Variants in IQCH observed in about 807,000 individuals in gnomAD.
IQCH encodes the protein IQ motif containing H.
In IQCH, 98 loss-of-function variants were observed where a neutral mutation model predicts 117.0. That is an observed-to-expected ratio of 0.84 (90% CI 0.71 to 0.99). The LOEUF is 0.99. IQCH is among the 50% of genes least tolerant of loss of function. The pLI is 0.00. For synonymous variants in IQCH, 412 were observed against 448.2 expected (o/e 0.92, Z 1.02); for missense variants, 1,102 against 1,243.8 (o/e 0.89, Z 1.72).
Position 67,388,748 on chromosome 15 carries a change from C to A in IQCH, c.1457-83C>A. On this transcript the variant is annotated intron_variant, in intron 11 of 20. Coordinates refer to ENST00000335894, the MANE Select transcript of IQCH (RefSeq NM_001031715.3). This position sits in a 1 kb window ranked among gnomAD's most constrained non-coding sequence, Gnocchi z 5.5. ...TTTTGGATATGCTCTTTATTTTAAA[C>A]TGCACAACACCAATCGGATGCCAGA... 2 of 1,199,758 alleles carry A rather than the reference C, an allele frequency of 1.7e-6. No homozygotes were observed. Among genetic ancestry groups the A allele is most frequent in the South Asian group, 1.5e-5 (1 of 68,146 alleles). The allele number at this position is 1,199,758 out of a possible 1,614,324, so 74.3% of individuals were successfully genotyped here. A position where few individuals can be genotyped will look rare whatever the true frequency, so the allele number is the denominator to read the frequency against.
At chr15:67,469,777 CTGT>C (rs2083023412) in intron 17 of IQCH, among the ~76,000 whole-genome samples, 4 of 152,168 alleles carry the variant, frequency 2.6e-5, no homozygotes, top group Admixed American at 2.0e-4. Context: ...TAGGCAGGTG[CTGT>C]TATTATGCCC....
intron 4 of IQCH, among the ~76,000 whole-genome samples, chr15:67,321,943 A>G (rs946724983): frequency 6.6e-6 from 1 of 152,190 alleles, no homozygotes; most frequent in Non-Finnish European, 1.5e-5. Flanking sequence ...ATATCCTACA[A>G]TTGTTGGTTT....
At chr15:67,448,478 G>A (rs1318322269) in intron 16 of IQCH, among the ~76,000 whole-genome samples, 1 of 148,016 alleles carries the variant, frequency 6.8e-6, no homozygotes, top group Admixed American at 7.0e-5. Context: ...TGCAGTGTTT[G>A]GTTTTTTGTC....
At chr15:67,451,141 T>G (rs2082514790) in intron 16 of IQCH, among the ~76,000 whole-genome samples, 2 of 152,242 alleles carry the variant, frequency 1.3e-5, no homozygotes, top group African/African-American at 4.8e-5. Flanking sequence ...TTGCTAGCAG[T>G]CTATCAATTT....
At chr15:67,310,083 C>T (rs1450634107) in intron 4 of IQCH, among the ~76,000 whole-genome samples, 1 of 149,582 alleles carries the variant, frequency 6.7e-6, no homozygotes, top group East Asian at 2.0e-4. Flanking sequence ...CTTTTACATC[C>T]TAGTGTAAGT....
intron 16 of IQCH, among the ~76,000 whole-genome samples, chr15:67,464,706 C>T (rs1196661033): frequency 6.6e-6 from 1 of 152,128 alleles, no homozygotes; most frequent in Non-Finnish European, 1.5e-5. Context: ...GGCAAACTGC[C>T]CTTTCTCATA....
In IQCH at chr15:67,460,159, A is replaced by G. The variant is rs191233565; in HGVS notation, c.2506-4968A>G. Reference sequence around the variant, plus strand: ...TGAGATACTTTGCATTCTTTTTTACATCCTCAGTCCTCAAAATCTGGTGTG... The same window carrying G: ...TGAGATACTTTGCATTCTTTTTTACGTCCTCAGTCCTCAAAATCTGGTGTG... On this transcript the variant is annotated intron_variant, in intron 16 of 20. Coordinates refer to ENST00000335894, the MANE Select transcript of IQCH (RefSeq NM_001031715.3). Among the ~76,000 whole-genome samples the G allele has an allele frequency of 3.3e-5, 5 of 152,278 alleles. No individual in the cohort carries two copies. The East Asian group carries it at 9.6e-4, about 29-fold the overall frequency.
intron 18 of IQCH, among the ~76,000 whole-genome samples, chr15:67,478,616 G>C (rs2083264852): frequency 6.6e-6 from 1 of 151,828 alleles, no homozygotes; most frequent in Non-Finnish European, 1.5e-5. Flanking sequence ...GAGGAGGAGG[G>C]GATAATCAGA....
intron 4 of IQCH, among the ~76,000 whole-genome samples, chr15:67,331,083 C>T (rs1033149663): frequency 3.8e-4 from 58 of 152,234 alleles, no homozygotes; most frequent in Admixed American, 9.2e-4. Context: ...GACAGAGCTA[C>T]CCAAGTATGC....
At position 67,404,147 on chromosome 15, in the gene IQCH, C is replaced by T. The variant is rs1173322518; in HGVS notation, c.2097+3842C>T. On this transcript the variant is annotated intron_variant, in intron 14 of 20. Transcript: ENST00000335894. The surrounding 1 kb of genome is among the most constrained non-coding windows in gnomAD (Gnocchi z 4.6). ...ACATTTGATATTAATTTGGGGATCA[C>T]CAATGGAGAAAAAAACTAATTAGAC... The T allele has an allele frequency of 6.6e-6, 1 of 152,094 alleles. No individual in the cohort carries two copies. The highest frequency in any genetic ancestry group is 1.5e-5 in the Non-Finnish European group (1 of 68,024). 9.4% of individuals were successfully genotyped at this position (152,094 alleles called of 1,614,324 possible).
In IQCH at chr15:67,457,361, G is replaced by A. The variant is rs969837228; in HGVS notation, c.2506-7766G>A. 2.6e-5 allele frequency among the ~76,000 whole-genome samples: 4 copies of A among 152,144 alleles called. No individual in the cohort carries two copies. The highest frequency in any genetic ancestry group is 9.6e-5 in the African/African-American group (4 of 41,452). On this transcript the variant is annotated intron_variant, in intron 16 of 20. Transcript: ENST00000335894. This position sits in a 1 kb window ranked among gnomAD's most constrained non-coding sequence, Gnocchi z 5.7. The stretch of plus-strand genomic sequence containing the variant: ...CTGGAGATTCAGTGATCCAAGTGGG[G>A]AAAAAATATGTCATTTAGTAACTGC...
At chr15:67,399,195 GCTA>G in intron 13 of IQCH, among the ~76,000 whole-genome samples, 1 of 152,164 alleles carries the variant, frequency 6.6e-6, no homozygotes, top group East Asian at 1.9e-4. Flanking sequence ...TTCCTACTCT[GCTA>G]CTCAATGCTG....
intron 4 of IQCH, among the ~76,000 whole-genome samples, chr15:67,310,338 C>T (rs766430328): frequency 6.6e-6 from 1 of 151,782 alleles, no homozygotes; most frequent in Non-Finnish European, 1.5e-5. Context: ...TTTGAATTTC[C>T]CATAAAGGTG....
intron 4 of IQCH, among the ~76,000 whole-genome samples, chr15:67,305,909 T>C (rs1967270039): frequency 6.6e-6 from 1 of 152,110 alleles, no homozygotes; most frequent in Admixed American, 6.6e-5. Flanking sequence ...GGATGTTGTA[T>C]CTACATACTT....
intron 3 of IQCH, among the ~76,000 whole-genome samples, chr15:67,265,492 T>C: frequency 6.6e-6 from 1 of 152,156 alleles, no homozygotes; most frequent in Non-Finnish European, 1.5e-5. Context: ...CATCTCTCAG[T>C]CCTAGCTGTG....
intron 4 of IQCH, among the ~76,000 whole-genome samples, chr15:67,314,217 A>G (rs1389130950): frequency 1.3e-5 from 2 of 152,096 alleles, no homozygotes; most frequent in East Asian, 3.9e-4. Context: ...GTTGGGCAAG[A>G]GAAGTGGTGG....
rs538764457 is a variant in IQCH at position 67,365,533 on chromosome 15, C to T, written c.753+5648C>T. On this transcript the variant is annotated intron_variant, in intron 8 of 20. Transcript: ENST00000335894. The surrounding 1 kb of genome is among the most constrained non-coding windows in gnomAD (Gnocchi z 4.4). ...GAATGAAGCAAACCTAGTCCTTGTC[C>T]TCTTGGGGTTTATATTTTAGTGAGA... Among the ~76,000 whole-genome samples the T allele has an allele frequency of 6.6e-6, 1 of 152,208 alleles. No individual in the cohort carries two copies.
At chr15:67,333,982 C>G (rs1012501316) in intron 4 of IQCH, among the ~76,000 whole-genome samples, 1 of 152,012 alleles carries the variant, frequency 6.6e-6, no homozygotes, top group African/African-American at 2.4e-5. Context: ...CATCTGAGCT[C>G]AGGAGGTGAA....
At position 67,391,804 on chromosome 15, in the gene IQCH, C is replaced by T. The variant is rs1243830104; in HGVS notation, c.1632+2798C>T. On this transcript the variant is annotated intron_variant, in intron 12 of 20. Coordinates refer to ENST00000335894, the MANE Select transcript of IQCH (RefSeq NM_001031715.3). This position sits in a 1 kb window ranked among gnomAD's most constrained non-coding sequence, Gnocchi z 4.3. Reference sequence around the variant, plus strand: ...ACACATATTGAACACAATACTGTGGCAGCATCTTGCCTGGAGTCTAGGGCA... The same window carrying T: ...ACACATATTGAACACAATACTGTGGTAGCATCTTGCCTGGAGTCTAGGGCA... 6.6e-6 allele frequency among the ~76,000 whole-genome samples: 1 copy of T among 152,188 alleles called. No individual in the cohort carries two copies. The highest frequency in any genetic ancestry group is 1.5e-5 in the Non-Finnish European group (1 of 68,044).
Sources: allele counts gnomAD v4.1 joint callset (sites outside exome capture counted in the v4.1 genomes callset), GRCh38; gene constraint gnomAD v4.1.1; non-coding constraint Gnocchi (gnomAD v3.1); transcripts MANE v1.5; gene names NCBI Gene and HGNC (gene_info 2026-07-23, HGNC 2026-07-21).